Variants in GET1 observed in about 807,000 individuals in gnomAD.
GET1 encodes the protein congenital heart disease 5 protein.
In GET1, 20 loss-of-function variants were observed where a neutral mutation model predicts 22.6. That is an observed-to-expected ratio of 0.89 (90% CI 0.62 to 1.29). The LOEUF (loss-of-function observed/expected upper bound fraction) is 1.29, where lower values mean the gene tolerates loss of function less well. Ranked by LOEUF, GET1 falls within the 50% of genes most tolerant of loss-of-function variation. GET1 has a pLI of 0.00. For synonymous variants in GET1, 92 were observed against 83.8 expected (o/e 1.10, Z -0.53); for missense variants, 209 against 219.9 (o/e 0.95, Z 0.31).
intron 1 of GET1, chr21:39,423,399 A>G: frequency 6.2e-7 from 1 of 1,609,112 alleles, no homozygotes; most frequent in Non-Finnish European, 8.5e-7. Flanking sequence ...GATGAGCCAT[A>G]GCATCTCTTC....
At chr21:39,394,660 T>C (rs1569041365) in intron 4 of GET1, among the ~76,000 whole-genome samples, 1 of 152,152 alleles carries the variant, frequency 6.6e-6, no homozygotes. Context: ...TCTCACTATG[T>C]CCTTGCATGG....
At chr21:39,423,182 T>G (rs2074051035) in intron 1 of GET1, 8 of 1,613,178 alleles carry the variant, frequency 5.0e-6, no homozygotes, top group Non-Finnish European at 6.8e-6. Context: ...AGTAGTTGCC[T>G]TAAATTTTTT....
intron 3 of GET1, chr21:39,392,058 G>T: frequency 1.9e-6 from 1 of 539,534 alleles, no homozygotes; most frequent in African/African-American, 1.9e-5. Flanking sequence ...CTTTTTGGCA[G>T]ATGGACTGTG....
At chr21:39,403,574 G>T (rs560994271) in intron 4 of GET1, among the ~76,000 whole-genome samples, 2 of 150,212 alleles carry the variant, frequency 1.3e-5, no homozygotes, top group African/African-American at 4.9e-5. Context: ...CGCCCGCCTC[G>T]GCCTCCCAAA....
At chr21:39,380,773 C>G (rs2037507140) in intron 1 of GET1, 1 of 1,120,706 alleles carries the variant, frequency 8.9e-7, no homozygotes, top group Admixed American at 4.4e-5. Flanking sequence ...TCCTAGTGCC[C>G]CGCTGTCAGC....
chr21:39,390,044 T>G (rs1176591879), intron 1 of GET1, among the ~76,000 whole-genome samples: 1 of 93,786 alleles, frequency 1.1e-5, no homozygotes, highest in African/African-American at 4.7e-5. Flanking sequence ...GAATATGAGT[T>G]TTTTTTTTTT....
At chr21:39,390,385 T>C (rs1474042997) in intron 1 of GET1, among the ~76,000 whole-genome samples, 1 of 152,148 alleles carries the variant, frequency 6.6e-6, no homozygotes, top group Non-Finnish European at 1.5e-5. Flanking sequence ...AAGGGACATT[T>C]ACCTAGGGCT....
chr21:39,399,435 TA>T (rs2038783914), downstream of GET1, among the ~76,000 whole-genome samples: 1 of 151,528 alleles, frequency 6.6e-6, no homozygotes, highest in South Asian at 2.1e-4. Flanking sequence ...ATGATAGGTT[TA>T]TTTTTTTTAA....
intron 4 of GET1, among the ~76,000 whole-genome samples, chr21:39,403,384 T>G (rs1040875692): frequency 2.0e-5 from 3 of 152,198 alleles, no homozygotes; most frequent in Admixed American, 1.3e-4. Flanking sequence ...TGGAGTGCAG[T>G]GGTGCGATCT....
chr21:39,388,368 C>T (rs928723910), intron 1 of GET1, among the ~76,000 whole-genome samples: 1 of 152,174 alleles, frequency 6.6e-6, no homozygotes, highest in Non-Finnish European at 1.5e-5. Context: ...CCTCAGACCC[C>T]ATGCAGGTTC....
At chr21:39,408,627 C>T (rs1407209227), downstream of GET1, 1 of 152,434 alleles carries the variant, frequency 6.6e-6, no homozygotes, top group African/African-American at 2.4e-5. Context: ...TGAGGACTCT[C>T]CTTGGAACCC....
At chr21:39,417,947 T>G (rs2041561777) in intron 1 of GET1, among the ~76,000 whole-genome samples, 1 of 152,102 alleles carries the variant, frequency 6.6e-6, no homozygotes, top group Non-Finnish European at 1.5e-5. Flanking sequence ...TTGTATTTTT[T>G]AGTAGAGATG....
chr21:39,388,815 C>T (rs749483537), intron 1 of GET1, among the ~76,000 whole-genome samples: 5 of 152,286 alleles, frequency 3.3e-5, no homozygotes, highest in East Asian at 1.9e-4. Flanking sequence ...GTGCCGTGGC[C>T]GGGCCGTTCC....
intron 1 of GET1, 141 bp downstream of exon 1, chr21:39,380,627 T>C: frequency 5.5e-6 from 8 of 1,455,140 alleles, no homozygotes; most frequent in Non-Finnish European, 7.2e-6. Context: ...TTTTTTGAGA[T>C]AGTTGTTAGC....
At chr21:39,391,620 T>A in intron 2 of GET1, 149 bp from the exon 3 acceptor site, 1 of 777,552 alleles carries the variant, frequency 1.3e-6, no homozygotes, top group Admixed American at 2.9e-5. Flanking sequence ...GACTTAAAAA[T>A]TCTATTTTAT....
intron 1 of GET1, among the ~76,000 whole-genome samples, chr21:39,383,230 A>G (rs1027209061): frequency 6.6e-6 from 1 of 151,020 alleles, no homozygotes; most frequent in Non-Finnish European, 1.5e-5. Flanking sequence ...CTGGGATTAC[A>G]GGCTTGTGCC....
At chr21:39,400,412 A>T (rs888125816), downstream of GET1, among the ~76,000 whole-genome samples, 3 of 152,180 alleles carry the variant, frequency 2.0e-5, no homozygotes, top group African/African-American at 7.2e-5. Context: ...AGGGCCAGAG[A>T]CTATTCCTTG....
chr21:39,406,726 G>C, downstream of GET1: 1 of 756,020 alleles, frequency 1.3e-6, no homozygotes, highest in Non-Finnish European at 2.1e-6. Flanking sequence ...TGAAATGACA[G>C]AAAAGGTAAG....
intron 4 of GET1, among the ~76,000 whole-genome samples, chr21:39,394,394 T>A (rs1459650654): frequency 3.3e-5 from 5 of 152,144 alleles, no homozygotes; most frequent in African/African-American, 1.2e-4. Flanking sequence ...TTTCTTTGCC[T>A]TTTTTTCCCC....
Sources: allele counts gnomAD v4.1 joint callset (sites outside exome capture counted in the v4.1 genomes callset), GRCh38; gene constraint gnomAD v4.1.1; transcripts MANE v1.5; gene names NCBI Gene and HGNC (gene_info 2026-07-23, HGNC 2026-07-21).